SLC6A9: variants seen among roughly 807,000 people sequenced by gnomAD.
SLC6A9 encodes sodium- and chloride-dependent glycine transporter 1.
Under a neutral mutation model 70.9 loss-of-function variants are expected in SLC6A9, and 31 were observed. The observed-to-expected ratio is 0.44, with a 90% CI of 0.33 to 0.59. SLC6A9 has a LOEUF of 0.59. SLC6A9 is among the 20% of genes least tolerant of loss of function. SLC6A9 has a pLI of 0.04. For synonymous variants in SLC6A9, 310 were observed against 341.3 expected (o/e 0.91, Z 1.01); for missense variants, 631 against 845.2 (o/e 0.75, Z 3.14).
In SLC6A9 at chr1:44,024,306, G is replaced by A. The variant is rs201571028; in HGVS notation, c.-29C>T. 13 of 1,613,690 alleles carry A rather than the reference G, an allele frequency of 8.1e-6. No individual in the cohort carries two copies. The highest frequency in any genetic ancestry group is 3.3e-5 in the South Asian group (3 of 91,086). On this transcript the variant is annotated 5_prime_UTR_variant, in exon 2 of 14. Transcript: ENST00000372310. ...GGCGGTGGGTTGGGGCTCTGGTGAC[G>A]GGGACCACACTCACAGGCTCTGCTT... is the stretch of plus-strand genomic sequence containing the variant.
intron 1 of SLC6A9, among the ~76,000 whole-genome samples, chr1:44,025,574 TGGATTA>T: frequency 1.3e-5 from 2 of 150,024 alleles, no homozygotes; most frequent in South Asian, 2.1e-4. Context: ...CCAAGGCAGG[TGGATTA>T]CCTGAGCTCA....
chr1:44,003,748 CAAAAAAA>C (rs34308293), intron 5 of SLC6A9, among the ~76,000 whole-genome samples: 20 of 71,964 alleles, frequency 2.8e-4, no homozygotes, highest in Non-Finnish European at 5.0e-4. Context: ...AGTCCAATCT[CAAAAAAA>C]AAAAAAAAAA....
In SLC6A9 at chr1:44,009,951, C is replaced by A. The variant is rs201038599; in HGVS notation, c.319+14G>T. The A allele has an allele frequency of 6.2e-7, 1 of 1,612,606 alleles. No individual in the cohort carries two copies. The highest frequency in any genetic ancestry group is 8.5e-7 in the Non-Finnish European group (1 of 1,179,320). On this transcript the variant is annotated intron_variant, in intron 4 of 13. Coordinates refer to ENST00000372310, the MANE Select transcript of SLC6A9 (RefSeq NM_001024845.3). ...TTTGTGTATGTGTGAGCGAGTGCCC[C>A]GCCCAGGCCTCACCTTTGAACATGG...
intron 1 of SLC6A9, among the ~76,000 whole-genome samples, chr1:44,027,495 G>A (rs1263213443): frequency 6.6e-6 from 1 of 152,094 alleles, no homozygotes; most frequent in African/African-American, 2.4e-5. Flanking sequence ...CAGCCAACAG[G>A]ATATGGCCTA....
At position 44,018,606 on chromosome 1, in the gene SLC6A9, TAA is replaced by T. The variant is rs2086821263; in HGVS notation, c.30+5640_30+5641del. On this transcript the variant is annotated intron_variant, in intron 2 of 13. Transcript: ENST00000372310. This position sits in a 1 kb window ranked among gnomAD's most constrained non-coding sequence, Gnocchi z 4.2. ...CAAAACTCTCTCTCTAAAATAATAA[TAA>T]TAATAATAATAATAATAATAATAAT... Among the ~76,000 whole-genome samples the T allele has an allele frequency of 7.2e-6, 1 of 139,712 alleles. No individual in the cohort carries two copies. Among genetic ancestry groups the T allele is most frequent in the South Asian group, 2.2e-4 (1 of 4,626 alleles). 91.7% of individuals were successfully genotyped at this position (139,712 alleles called of 152,430 possible).
Position 44,010,360 on chromosome 1 carries a change from C to T in SLC6A9, c.188-264G>A, listed in dbSNP as rs146026517. Reference sequence around the variant, plus strand: ...GGTGGGATTTGATGGTTTAAACAAGCGATTTCACAAGCATAAGTTGCTGAG... The same window carrying T: ...GGTGGGATTTGATGGTTTAAACAAGTGATTTCACAAGCATAAGTTGCTGAG... On this transcript the variant is annotated intron_variant, in intron 3 of 13. Transcript: ENST00000372310. The T allele has an allele frequency of 2.8e-4, 130 of 460,146 alleles. 1 individual carries two copies. The East Asian group carries it at 4.8e-3, about 17-fold the overall frequency. The allele number at this position is 460,146 out of a possible 1,614,324, so 28.5% of individuals were successfully genotyped here. A position where few individuals can be genotyped will look rare whatever the true frequency, so the allele number is the denominator to read the frequency against.
Position 44,002,262 on chromosome 1 carries a change from C to G in SLC6A9, c.962+51G>C, listed in dbSNP as rs764428858. On this transcript the variant is annotated intron_variant, in intron 8 of 13. Coordinates refer to ENST00000372310, the MANE Select transcript of SLC6A9 (RefSeq NM_001024845.3). The surrounding 1 kb of genome is among the most constrained non-coding windows in gnomAD (Gnocchi z 5.5). ...TGGCTGCACTGGAGCTGAGATCAGG[C>G]TGCAGAGAGTGCAGGAAGGGGGCAG... 8 of 1,320,434 alleles carry G rather than the reference C, an allele frequency of 6.1e-6. No homozygotes were observed. The highest frequency in any genetic ancestry group is 8.8e-6 in the Non-Finnish European group (8 of 912,572). The allele number at this position is 1,320,434 out of a possible 1,614,324, so 81.8% of individuals were successfully genotyped here. A position where few individuals can be genotyped will look rare whatever the true frequency, so the allele number is the denominator to read the frequency against.
At position 43,997,393 on chromosome 1, in the gene SLC6A9, G is replaced by A; in HGVS notation, c.*152C>T. On this transcript the variant is annotated 3_prime_UTR_variant, in exon 14 of 14. Coordinates refer to ENST00000372310, the MANE Select transcript of SLC6A9 (RefSeq NM_001024845.3). The surrounding 1 kb of genome is among the most constrained non-coding windows in gnomAD (Gnocchi z 4.4). ...ATGTAAACACTGGGGACATGAGCAT[G>A]AATGACTGCACTAGCAGTGGTGACC... is the stretch of plus-strand genomic sequence containing the variant. 1 of 682,118 alleles carries A rather than the reference G, an allele frequency of 1.5e-6. No homozygotes were observed. The highest frequency in any genetic ancestry group is 2.6e-6 in the Non-Finnish European group (1 of 388,400). 42.3% of individuals were successfully genotyped at this position (682,118 alleles called of 1,614,324 possible).
chr1:44,001,098 G>C, intron 10 of SLC6A9, 43 bp from the exon 11 acceptor site: 2 of 1,607,290 alleles, frequency 1.2e-6, no homozygotes, highest in Non-Finnish European at 1.7e-6. Context: ...TGCAGCCCGG[G>C]CTCCCCAACC....
intron 2 of SLC6A9, among the ~76,000 whole-genome samples, chr1:44,019,667 G>A (rs1043862535): frequency 6.6e-6 from 1 of 152,272 alleles, no homozygotes; most frequent in African/African-American, 2.4e-5. Context: ...GGAGGCGGCA[G>A]CAGCCCAGCT....
chr1:44,017,722 C>T (rs564242993), intron 2 of SLC6A9, among the ~76,000 whole-genome samples: 11 of 152,322 alleles, frequency 7.2e-5, no homozygotes, highest in African/African-American at 2.4e-4. Flanking sequence ...GGTGATGGGG[C>T]GTCTTCCTAG....
At chr1:44,022,225 C>T (rs1241408653) in intron 2 of SLC6A9, among the ~76,000 whole-genome samples, 1 of 152,208 alleles carries the variant, frequency 6.6e-6, no homozygotes, top group Non-Finnish European at 1.5e-5. Context: ...CTGTGCTGCT[C>T]ACATCTCTCC....
At position 44,018,464 on chromosome 1, in the gene SLC6A9, CAT is replaced by C. The variant is rs2086816574; in HGVS notation, c.30+5782_30+5783del. 1.3e-5 allele frequency among the ~76,000 whole-genome samples: 2 copies of C among 151,992 alleles called. No homozygotes were observed. Among genetic ancestry groups the C allele is most frequent in the South Asian group, 4.2e-4 (2 of 4,816 alleles). ...ACAAAATTAGCTGGGCGTGGTGGCACATGCCTGTAATCCCAGCTACTCGGGAG... is the reference window on the plus strand; with the variant it reads ...ACAAAATTAGCTGGGCGTGGTGGCACGCCTGTAATCCCAGCTACTCGGGAG... On this transcript the variant is annotated intron_variant, in intron 2 of 13. Coordinates refer to ENST00000372310, the MANE Select transcript of SLC6A9 (RefSeq NM_001024845.3). The surrounding 1 kb of genome is among the most constrained non-coding windows in gnomAD (Gnocchi z 4.2).
Position 44,022,722 on chromosome 1 carries a change from C to CTTTTTTTTTTTTTTTTTT in SLC6A9, c.30+1525_30+1526insAAAAAAAAAAAAAAAAAA, listed in dbSNP as rs71307650. 2.5e-5 allele frequency among the ~76,000 whole-genome samples: 3 copies of CTTTTTTTTTTTTTTTTTT among 118,956 alleles called. 1 individual carries two copies. Among genetic ancestry groups the CTTTTTTTTTTTTTTTTTT allele is most frequent in the Non-Finnish European group, 5.0e-5 (3 of 60,486 alleles). The allele number at this position is 118,956 out of a possible 152,430, so 78.0% of individuals were successfully genotyped here. A position where few individuals can be genotyped will look rare whatever the true frequency, so the allele number is the denominator to read the frequency against. Reference sequence around the variant, plus strand: ...TTTTTCTTTCTTTCTTTCTTTCTTTCTTTTTTTTTTTTTTGAGACAGAGCC... The same window carrying CTTTTTTTTTTTTTTTTTT: ...TTTTTCTTTCTTTCTTTCTTTCTTTCTTTTTTTTTTTTTTTTTTTTTTTTTTTTTTTTGAGACAGAGCC... On this transcript the variant is annotated intron_variant, in intron 2 of 13. Coordinates refer to ENST00000372310, the MANE Select transcript of SLC6A9 (RefSeq NM_001024845.3).
At chr1:44,021,664 C>G (rs147178248) in intron 2 of SLC6A9, among the ~76,000 whole-genome samples, 3 of 152,232 alleles carry the variant, frequency 2.0e-5, no homozygotes, top group Non-Finnish European at 2.9e-5. Context: ...CTCACACACA[C>G]GCCCCTTAAC....
At chr1:44,020,794 CATA>C (rs2086866851) in intron 2 of SLC6A9, among the ~76,000 whole-genome samples, 1 of 152,216 alleles carries the variant, frequency 6.6e-6, no homozygotes, top group Non-Finnish European at 1.5e-5. Flanking sequence ...CAGGGAAAAA[CATA>C]TGAGAACGCG....
intron 2 of SLC6A9, chr1:44,017,489 C>G: frequency 1.7e-6 from 1 of 574,802 alleles, no homozygotes; most frequent in Non-Finnish European, 2.5e-6. Flanking sequence ...ACAGGCCTAG[C>G]ACTGGGTGGG....
rs887943605 is a variant in SLC6A9, at chr1:44,013,036, A to C, written c.31-2154T>G. On this transcript the variant is annotated intron_variant, in intron 2 of 13. Transcript: ENST00000372310. The surrounding 1 kb of genome is among the most constrained non-coding windows in gnomAD (Gnocchi z 5.3). The stretch of plus-strand genomic sequence containing the variant: ...TCCTATATGTTGACCCTACAATACC[A>C]GTTTTATTCTGTCCCAGGGTTGTTT... 2.6e-5 allele frequency among the ~76,000 whole-genome samples: 4 copies of C among 152,136 alleles called. No individual in the cohort carries two copies. The highest frequency in any genetic ancestry group is 5.9e-5 in the Non-Finnish European group (4 of 68,022).
intron 1 of SLC6A9, chr1:44,030,417 C>T (rs1378249945): frequency 6.6e-6 from 1 of 152,306 alleles, no homozygotes; most frequent in Non-Finnish European, 1.5e-5. Context: ...AAGCCCCACT[C>T]TCCCGCCCGG....
Sources: allele counts gnomAD v4.1 joint callset (sites outside exome capture counted in the v4.1 genomes callset), GRCh38; gene constraint gnomAD v4.1.1; non-coding constraint Gnocchi (gnomAD v3.1); transcripts MANE v1.5; gene names NCBI Gene and HGNC (gene_info 2026-07-23, HGNC 2026-07-21).